IGF1: variants seen among roughly 807,000 people sequenced by gnomAD.
IGF1 encodes insulin like growth factor 1, also known as insulin-like growth factor 1.
In IGF1, 4 loss-of-function variants were observed where a neutral mutation model predicts 13.8. The ratio of observed to expected loss-of-function variants is 0.29; its 90% CI spans 0.14 to 0.66. The LOEUF (loss-of-function observed/expected upper bound fraction) is 0.66, where lower values mean the gene tolerates loss of function less well. Ranked by LOEUF, IGF1 falls within the 30% of genes least tolerant of loss-of-function variation. The probability of loss-of-function intolerance (pLI) is 0.78; values close to 1 mark genes in which losing one functional copy is unlikely to be tolerated. For synonymous variants in IGF1, 76 were observed against 72.6 expected (o/e 1.05, Z -0.23); for missense variants, 124 against 188.5 (o/e 0.66, Z 2.00).
chr12:102,455,995 C>G (rs924689541), intron 2 of IGF1, among the ~76,000 whole-genome samples: 1 of 152,204 alleles, frequency 6.6e-6, no homozygotes, highest in Non-Finnish European at 1.5e-5. Flanking sequence ...GGCCCTTCCT[C>G]TACTGATCTT....
chr12:102,417,906 G>A, intron 3 of IGF1: 1 of 1,613,760 alleles, frequency 6.2e-7, no homozygotes, highest in Non-Finnish European at 8.5e-7. Flanking sequence ...CTGCAGACTT[G>A]CTTCTGTCCC....
In IGF1 at chr12:102,398,848, G is replaced by A. The variant is rs1481380312; in HGVS notation, c.*3659C>T. On this transcript the variant is annotated 3_prime_UTR_variant, in exon 4 of 4. Coordinates refer to ENST00000337514, the MANE Select transcript of IGF1 (RefSeq NM_000618.5). ...CTTAAAGAAACAATAGCACCACATT[G>A]GCATAGCTGGCCAAACAATAAATGG... 2 of 149,632 alleles carry A rather than the reference G, an allele frequency of 1.3e-5. No homozygotes were observed. The highest frequency in any genetic ancestry group is 3.0e-5 in the Non-Finnish European group (2 of 67,422). 9.3% of individuals were successfully genotyped at this position (149,632 alleles called of 1,614,324 possible).
intron 2 of IGF1, among the ~76,000 whole-genome samples, chr12:102,473,386 T>C (rs908528525): frequency 6.6e-6 from 1 of 152,212 alleles, no homozygotes; most frequent in African/African-American, 2.4e-5. Flanking sequence ...TAACAGATGC[T>C]CCATCAATGT....
chr12:102,421,082 T>C (rs1429113942), intron 2 of IGF1, among the ~76,000 whole-genome samples: 1 of 152,178 alleles, frequency 6.6e-6, no homozygotes, highest in Admixed American at 6.5e-5. Context: ...GGGCCAGCAT[T>C]CATGGCAACC....
intron 2 of IGF1, among the ~76,000 whole-genome samples, chr12:102,468,845 A>C (rs535559244): frequency 1.3e-5 from 2 of 152,344 alleles, no homozygotes; most frequent in Non-Finnish European, 2.9e-5. Flanking sequence ...ACAATGAGAC[A>C]TCTCCTTGGG....
intron 2 of IGF1, among the ~76,000 whole-genome samples, chr12:102,474,407 T>C (rs764802907): frequency 2.0e-5 from 3 of 152,232 alleles, no homozygotes; most frequent in African/African-American, 7.2e-5. Context: ...ATTTAAAAAC[T>C]ATTTGTTGCC....
intron 2 of IGF1, among the ~76,000 whole-genome samples, chr12:102,421,834 T>C (rs1875748869): frequency 6.6e-6 from 1 of 152,192 alleles, no homozygotes; most frequent in African/African-American, 2.4e-5. Context: ...CTAACTTAAT[T>C]CTGCTTCTGA....
chr12:102,418,082 G>C, intron 3 of IGF1: 1 of 1,458,820 alleles, frequency 6.9e-7, no homozygotes, highest in Non-Finnish European at 9.4e-7. Context: ...AGAATGCCCA[G>C]GCTCCATATG....
chr12:102,428,646 C>G (rs1025865036), intron 2 of IGF1, among the ~76,000 whole-genome samples: 3 of 152,192 alleles, frequency 2.0e-5, no homozygotes, highest in Admixed American at 6.5e-5. Context: ...TTCTAATAAT[C>G]CTTGGGCATG....
chr12:102,421,599 GTT>G (rs1875726519), intron 2 of IGF1, among the ~76,000 whole-genome samples: 1 of 152,124 alleles, frequency 6.6e-6, no homozygotes, highest in African/African-American at 2.4e-5. Flanking sequence ...ATTGCCCTTT[GTT>G]GAAACTATAA....
At chr12:102,421,820 T>G (rs1875747326) in intron 2 of IGF1, among the ~76,000 whole-genome samples, 1 of 152,186 alleles carries the variant, frequency 6.6e-6, no homozygotes, top group Non-Finnish European at 1.5e-5. Flanking sequence ...CCTTTCAAGC[T>G]CCTCTAACTT....
intron 1 of IGF1, among the ~76,000 whole-genome samples, chr12:102,479,233 G>A (rs946149463): frequency 1.3e-5 from 2 of 152,060 alleles, no homozygotes; most frequent in Admixed American, 6.5e-5. Flanking sequence ...GCCTGACAAG[G>A]GTGTATCTTT....
At chr12:102,470,120 A>G (rs1053380746) in intron 2 of IGF1, among the ~76,000 whole-genome samples, 1 of 152,220 alleles carries the variant, frequency 6.6e-6, no homozygotes, top group Non-Finnish European at 1.5e-5. Flanking sequence ...TGTGCCAGGC[A>G]ATATTCTAAG....
chr12:102,426,552 A>G (rs1364642395), intron 2 of IGF1, among the ~76,000 whole-genome samples: 1 of 152,230 alleles, frequency 6.6e-6, no homozygotes, highest in African/African-American at 2.4e-5. Flanking sequence ...AAGAATGTCC[A>G]AACTTTATGT....
chr12:102,420,749 A>C (rs1459738660), intron 2 of IGF1, among the ~76,000 whole-genome samples: 1 of 152,166 alleles, frequency 6.6e-6, no homozygotes. Context: ...GGGCAGAGGG[A>C]CAGAAACTTG....
At chr12:102,472,823 G>A (rs1002446933) in intron 2 of IGF1, among the ~76,000 whole-genome samples, 1 of 152,138 alleles carries the variant, frequency 6.6e-6, no homozygotes, top group African/African-American at 2.4e-5. Flanking sequence ...CATCAATGTA[G>A]CCTGGGGATG....
chr12:102,402,623 A>G, intron 3 of IGF1, 57 bp from the exon 4 acceptor site: 2 of 778,108 alleles, frequency 2.6e-6, no homozygotes, highest in Admixed American at 1.7e-5. Context: ...GTATCCATCT[A>G]TTTCTAACAT....
chr12:102,408,452 A>G (rs563433202), intron 3 of IGF1, among the ~76,000 whole-genome samples: 119 of 152,314 alleles, frequency 7.8e-4, no homozygotes, highest in Non-Finnish European at 1.4e-3. Flanking sequence ...CCAAAGAACA[A>G]GGTGCACATT....
intron 2 of IGF1, among the ~76,000 whole-genome samples, chr12:102,439,618 C>G (rs1471354171): frequency 4.6e-5 from 7 of 150,902 alleles, no homozygotes; most frequent in Admixed American, 3.3e-4. Context: ...TTCCACAAAA[C>G]TTGGCATTGC....
Sources: allele counts gnomAD v4.1 joint callset (sites outside exome capture counted in the v4.1 genomes callset), GRCh38; gene constraint gnomAD v4.1.1; transcripts MANE v1.5; gene names NCBI Gene and HGNC (gene_info 2026-07-23, HGNC 2026-07-21).